NRXN3: variants seen among roughly 807,000 people sequenced by gnomAD.
NRXN3 encodes the protein neurexin III.
Under a neutral mutation model 137.6 loss-of-function variants are expected in NRXN3, and 32 were observed. That is an observed-to-expected ratio of 0.23 (90% CI 0.18 to 0.31). The LOEUF (loss-of-function observed/expected upper bound fraction) is 0.31, where lower values mean the gene tolerates loss of function less well. Ranked by LOEUF, NRXN3 falls within the 10% of genes least tolerant of loss-of-function variation. The pLI, the probability that NRXN3 is intolerant of heterozygous loss-of-function variation, is 1.00. For missense variants in NRXN3, 1,574 were observed against 2,062.5 expected, an observed-to-expected ratio of 0.76 and a Z score of 4.59; for synonymous variants, 798 against 784.5, an observed-to-expected ratio of 1.02 and a Z score of -0.29.
chr14:79,202,920 A>G (rs1275582598), intron 15 of NRXN3, among the ~76,000 whole-genome samples: 1 of 152,080 alleles, frequency 6.6e-6, no homozygotes, highest in Admixed American at 6.6e-5. Context: ...CTGGGTCAAA[A>G]TGTTGTTCTA....
rs1205097780 is a variant in NRXN3, at chr14:78,957,326, G to T, written c.2360G>T (p.Ser787Ile). 6.2e-7 allele frequency: 1 copy of T among 1,614,116 alleles called. No individual in the cohort carries two copies. The highest frequency in any genetic ancestry group is 8.5e-7 in the Non-Finnish European group (1 of 1,180,016). ...HTVRVVRRGK[S>I]LKLTVDDDVA... ...GTTCGGGTGGTGCGGAGAGGAAAAA[G>T]CCTTAAGTTAACCGTGGATGATGAT... The change falls in exon 11 of 21, where the codon AGC becomes ATC. Residue 787 changes from serine (S) to isoleucine (I), a missense_variant. Transcript: ENST00000335750.
intron 15 of NRXN3, among the ~76,000 whole-genome samples, chr14:79,048,809 G>A (rs1385373430): frequency 6.7e-6 from 1 of 149,546 alleles, no homozygotes; most frequent in Non-Finnish European, 1.5e-5. Flanking sequence ...CGGATCACGA[G>A]GTCAGGAGAT....
intron 15 of NRXN3, among the ~76,000 whole-genome samples, chr14:79,176,566 A>T (rs1262028965): frequency 6.6e-6 from 1 of 152,210 alleles, no homozygotes; most frequent in South Asian, 2.1e-4. Flanking sequence ...CACTCTAGCC[A>T]TGCTGGATTG....
chr14:78,463,423 G>A (rs1349252598), intron 4 of NRXN3, among the ~76,000 whole-genome samples: 1 of 151,738 alleles, frequency 6.6e-6, no homozygotes, highest in Non-Finnish European at 1.5e-5. Flanking sequence ...CCAGTAGTGG[G>A]ACTGTTGAAT....
At chr14:79,128,828 G>A (rs369566008) in intron 15 of NRXN3, among the ~76,000 whole-genome samples, 2 of 151,404 alleles carry the variant, frequency 1.3e-5, no homozygotes, top group Non-Finnish European at 3.0e-5. Context: ...TGGTTGGTAA[G>A]CTATTGATTA....
chr14:78,532,659 T>C (rs569176390), intron 4 of NRXN3, among the ~76,000 whole-genome samples: 1 of 152,254 alleles, frequency 6.6e-6, no homozygotes, highest in East Asian at 1.9e-4. Flanking sequence ...TCATCTTTCC[T>C]GTGTTCCCAC....
At chr14:79,477,626 AT>A (rs2096571533) in intron 16 of NRXN3, among the ~76,000 whole-genome samples, 1 of 152,138 alleles carries the variant, frequency 6.6e-6, no homozygotes, top group East Asian at 1.9e-4. Flanking sequence ...ACATTTAAAG[AT>A]TTTTTTAGAA....
At chr14:79,130,157 T>A (rs1383519016) in intron 15 of NRXN3, among the ~76,000 whole-genome samples, 1 of 151,264 alleles carries the variant, frequency 6.6e-6, no homozygotes, top group South Asian at 2.1e-4. Context: ...GTCTTTTAAT[T>A]GGAGCATTTA....
chr14:78,809,965 A>C (rs2098900845), intron 9 of NRXN3, among the ~76,000 whole-genome samples: 2 of 152,096 alleles, frequency 1.3e-5, no homozygotes, highest in African/African-American at 4.8e-5. Context: ...AAGTTTGACA[A>C]AATTAATATT....
At position 79,609,715 on chromosome 14, in the gene NRXN3, G is replaced by A. The variant is rs558206962; in HGVS notation, c.3445-54063G>A. On this transcript the variant is annotated intron_variant, in intron 16 of 20. Transcript: ENST00000335750. ...TTTATACAGTCATCACATATTGATT[G>A]TACATATACTGTATACCAGACACTT... Among the ~76,000 whole-genome samples the A allele has an allele frequency of 2.0e-5, 3 of 152,222 alleles. No individual in the cohort carries two copies. In the East Asian group the frequency reaches 5.8e-4, roughly 29 times the overall value.
At chr14:78,732,624 T>G (rs1227428834) in intron 8 of NRXN3, among the ~76,000 whole-genome samples, 1 of 152,196 alleles carries the variant, frequency 6.6e-6, no homozygotes, top group African/African-American at 2.4e-5. Context: ...GAGTTTTATT[T>G]CTTGCTTCAC....
intron 15 of NRXN3, among the ~76,000 whole-genome samples, chr14:79,397,617 A>G (rs2095063944): frequency 1.3e-5 from 2 of 152,236 alleles, no homozygotes; most frequent in Non-Finnish European, 2.9e-5. Flanking sequence ...CCTAAGCATA[A>G]TCATAAAACA....
At chr14:79,785,189 G>T (rs2099125791) in intron 19 of NRXN3, among the ~76,000 whole-genome samples, 1 of 152,122 alleles carries the variant, frequency 6.6e-6, no homozygotes, top group African/African-American at 2.4e-5. Flanking sequence ...TTCTTTCTAG[G>T]ATTAAACAAA....
chr14:79,655,776 C>G (rs979142641), intron 16 of NRXN3, among the ~76,000 whole-genome samples: 12 of 152,066 alleles, frequency 7.9e-5, no homozygotes, highest in African/African-American at 1.9e-4. Context: ...TTGTGACAGC[C>G]AAAAATGTCT....
At chr14:79,191,768 A>T (rs911106891) in intron 15 of NRXN3, among the ~76,000 whole-genome samples, 2 of 152,168 alleles carry the variant, frequency 1.3e-5, no homozygotes, top group Non-Finnish European at 2.9e-5. Flanking sequence ...TGATTAAAAT[A>T]TGGATTTAAC....
intron 4 of NRXN3, among the ~76,000 whole-genome samples, chr14:78,623,215 G>T (rs1018285036): frequency 6.6e-6 from 1 of 152,066 alleles, no homozygotes; most frequent in African/African-American, 2.4e-5. Context: ...TCCCTCTCAG[G>T]CTACAGAACT....
At chr14:78,427,163 G>A (rs1018310513) in intron 4 of NRXN3, among the ~76,000 whole-genome samples, 1 of 152,120 alleles carries the variant, frequency 6.6e-6, no homozygotes, top group Non-Finnish European at 1.5e-5. Context: ...GGTGTCTGTG[G>A]GTCAGAGGCA....
chr14:79,492,732 T>C (rs182629672), intron 16 of NRXN3, among the ~76,000 whole-genome samples: 16 of 152,228 alleles, frequency 1.1e-4, no homozygotes, highest in Non-Finnish European at 4.4e-5. Context: ...CAAAGAACCT[T>C]ATTGGTATGG....
chr14:79,418,832 G>A (rs1201458156), intron 15 of NRXN3, among the ~76,000 whole-genome samples: 1 of 152,204 alleles, frequency 6.6e-6, no homozygotes, highest in Non-Finnish European at 1.5e-5. Flanking sequence ...GGAGCACTTG[G>A]CCAGGCAAGC....
Sources: gnomAD v4.1 joint callset for allele counts (sites outside exome capture counted in the v4.1 genomes callset) on GRCh38, gnomAD v4.1.1 for gene constraint, MANE v1.5 for transcripts, NCBI Gene and HGNC (gene_info 2026-07-23, HGNC 2026-07-21) for gene names.